Variants in TOP1 observed in about 807,000 individuals in gnomAD.
TOP1 encodes DNA topoisomerase 1.
Under a neutral mutation model 111.1 loss-of-function variants are expected in TOP1, and 10 were observed. The ratio of observed to expected loss-of-function variants is 0.09; its 90% CI spans 0.06 to 0.15. The LOEUF (loss-of-function observed/expected upper bound fraction) is 0.15. Ranked by LOEUF, TOP1 falls within the 10% of genes least tolerant of loss-of-function variation. The probability of loss-of-function intolerance (pLI) is 1.00; values close to 1 mark genes in which losing one functional copy is unlikely to be tolerated. For missense variants in TOP1, 474 were observed against 926.7 expected (o/e 0.51, Z 6.34); for synonymous variants, 271 against 302.9 (o/e 0.89, Z 1.10).
intron 3 of TOP1, among the ~76,000 whole-genome samples, chr20:41,063,487 G>GT (rs1290088067): frequency 6.6e-6 from 1 of 152,104 alleles, no homozygotes; most frequent in Non-Finnish European, 1.5e-5. Context: ...GAAGGTAGTT[G>GT]TTTTTTTAAG....
Position 41,029,079 on chromosome 20 carries a change from C to T in TOP1, c.12C>T (p.Asp4=). The T allele has an allele frequency of 1.3e-6, 2 of 1,541,926 alleles. No individual in the cohort carries two copies. The highest frequency in any genetic ancestry group is 1.7e-6 in the Non-Finnish European group (2 of 1,147,602). Residue 4 remains aspartate, a synonymous_variant, in exon 1 of 21, where the codon GAC becomes GAT. Coordinates refer to ENST00000361337, the MANE Select transcript of TOP1 (RefSeq NM_003286.4). The surrounding 1 kb of genome is among the most constrained non-coding windows in gnomAD (Gnocchi z 6.1). The part of the protein sequence containing the change: MSG[D]HLHNDSQIEA... ...CCCTCCGGGCCGACATGAGTGGGGA[C>T]CACCTCCACAACGATTCCCAGGTAC...
chr20:41,049,908 A>G (rs2033382531), intron 2 of TOP1, among the ~76,000 whole-genome samples: 1 of 152,224 alleles, frequency 6.6e-6, no homozygotes, highest in Non-Finnish European at 1.5e-5. Flanking sequence ...TCAATGATGA[A>G]CAGGTCCATG....
intron 8 of TOP1, among the ~76,000 whole-genome samples, chr20:41,090,849 A>G (rs2033912015): frequency 6.6e-6 from 1 of 152,204 alleles, no homozygotes; most frequent in Admixed American, 6.5e-5. Flanking sequence ...TACGTGTCAT[A>G]TCCAATAAAT....
intron 2 of TOP1, among the ~76,000 whole-genome samples, chr20:41,059,918 A>G (rs1289221878): frequency 6.6e-6 from 1 of 152,240 alleles, no homozygotes; most frequent in Non-Finnish European, 1.5e-5. Flanking sequence ...CAAGCACACC[A>G]AAAGATGCTT....
At chr20:41,090,890 C>CAA (rs1477018078) in intron 8 of TOP1, among the ~76,000 whole-genome samples, 1 of 152,128 alleles carries the variant, frequency 6.6e-6, no homozygotes, top group Non-Finnish European at 1.5e-5. Flanking sequence ...TGAAGCTTTT[C>CAA]CCCTATGTTG....
At chr20:41,081,358 A>G (rs1312987319) in intron 7 of TOP1, 118 bp downstream of exon 7, 1 of 1,238,606 alleles carries the variant, frequency 8.1e-7, no homozygotes, top group African/African-American at 1.5e-5. Context: ...AACATTAGGG[A>G]AAACAAATTT....
chr20:41,060,571 TTTA>T (rs1440734096), intron 2 of TOP1, among the ~76,000 whole-genome samples: 2 of 152,210 alleles, frequency 1.3e-5, no homozygotes, highest in African/African-American at 4.8e-5. Flanking sequence ...GTTCTAAATC[TTTA>T]TTGTAGTGGG....
rs150948603 is a variant in TOP1, at chr20:41,117,586, C to T, written c.1823-583C>T. Among the ~76,000 whole-genome samples the T allele has an allele frequency of 0.041, 6,204 of 151,618 alleles. 678 individuals carry two copies. In the East Asian group the frequency reaches 0.46, roughly 11 times the overall value. ...TATTTTTAGTAGAGACAGGGTTCAC[C>T]GTGTTAGCCAGGATGGTCTCGATCT... On this transcript the variant is annotated intron_variant, in intron 17 of 20. Transcript: ENST00000361337.
rs2033953113 is a variant in TOP1 at position 41,094,076 on chromosome 20, AAAT to A, written c.730+1492_730+1494del. Among the ~76,000 whole-genome samples the A allele has an allele frequency of 6.6e-6, 1 of 152,138 alleles. No individual in the cohort carries two copies. The highest frequency in any genetic ancestry group is 1.5e-5 in the Non-Finnish European group (1 of 68,022). On this transcript the variant is annotated intron_variant, in intron 9 of 20. Transcript: ENST00000361337. The surrounding 1 kb of genome is among the most constrained non-coding windows in gnomAD (Gnocchi z 4.4). ...TCAAAAAATAAAATAATAAATAAATAAATAAAACATATTTATTGAATGTATTTG... is the reference window on the plus strand; with the variant it reads ...TCAAAAAATAAAATAATAAATAAATAAAAACATATTTATTGAATGTATTTG...
At chr20:41,068,429 T>C (rs1415444070) in intron 3 of TOP1, among the ~76,000 whole-genome samples, 1 of 152,070 alleles carries the variant, frequency 6.6e-6, no homozygotes, top group Admixed American at 6.6e-5. Context: ...TTTTTTGGAG[T>C]CAGGGTCTCA....
chr20:41,038,000 GA>G lies in TOP1; in HGVS notation c.58+8552del, dbSNP rs529056430. Among the ~76,000 whole-genome samples the G allele has an allele frequency of 3.4e-4, 51 of 152,222 alleles. No individual in the cohort carries two copies. In the South Asian group the frequency reaches 9.4e-3, roughly 28 times the overall value. On this transcript the variant is annotated intron_variant, in intron 2 of 20. Transcript: ENST00000361337. ...AAAAATATAGCTCATAAAATATGGG[GA>G]AAAAAATCTGGGAAGATGAGTATTT...
chr20:41,072,160 A>G, intron 3 of TOP1: 7 of 837,278 alleles, frequency 8.4e-6, no homozygotes, highest in Non-Finnish European at 1.0e-5. Context: ...TCAGTAATTA[A>G]TCATCTGTTT....
intron 3 of TOP1, among the ~76,000 whole-genome samples, chr20:41,075,040 T>G (rs902639672): frequency 6.6e-6 from 1 of 152,254 alleles, no homozygotes; most frequent in Non-Finnish European, 1.5e-5. Context: ...AGCAGTTAAA[T>G]AATTTGATAT....
At chr20:41,052,628 TTCTA>T (rs1166773585) in intron 2 of TOP1, among the ~76,000 whole-genome samples, 5 of 152,160 alleles carry the variant, frequency 3.3e-5, no homozygotes, top group Non-Finnish European at 7.3e-5. Context: ...TTTGTTTCCT[TTCTA>T]TCTAAGCAGA....
chr20:41,108,449 G>C (rs893392705), intron 13 of TOP1, among the ~76,000 whole-genome samples: 6 of 152,098 alleles, frequency 3.9e-5, no homozygotes, highest in African/African-American at 1.2e-4. Context: ...CCCCTTTCTG[G>C]AAACTTGGAT....
Position 41,101,196 on chromosome 20 carries a change from C to A in TOP1, c.1164-13C>A. On this transcript the variant is annotated splice_polypyrimidine_tract_variant and intron_variant, in intron 12 of 20. Coordinates refer to ENST00000361337, the MANE Select transcript of TOP1 (RefSeq NM_003286.4). This position sits in a 1 kb window ranked among gnomAD's most constrained non-coding sequence, Gnocchi z 4.1. ...CATCTTATTTCACTATCCTCGTGCT[C>A]TGTTATTTCCAGAGATGCCAAGGTT... is the stretch of plus-strand genomic sequence containing the variant. The A allele has an allele frequency of 6.2e-7, 1 of 1,613,810 alleles. No individual in the cohort carries two copies. Among genetic ancestry groups the A allele is most frequent in the South Asian group, 1.1e-5 (1 of 91,074 alleles).
Position 41,094,638 on chromosome 20 carries a change from C to T in TOP1, c.730+2051C>T, listed in dbSNP as rs1201204696. Among the ~76,000 whole-genome samples the T allele has an allele frequency of 3.3e-5, 5 of 152,150 alleles. No homozygotes were observed. The highest frequency in any genetic ancestry group is 5.9e-5 in the Non-Finnish European group (4 of 68,032). ...CTGGTCCTCTGCTGGGATTTCTTCT[C>T]TTTGATTGTGTGAACTCTTACTCTG... On this transcript the variant is annotated intron_variant, in intron 9 of 20. Coordinates refer to ENST00000361337, the MANE Select transcript of TOP1 (RefSeq NM_003286.4). This position sits in a 1 kb window ranked among gnomAD's most constrained non-coding sequence, Gnocchi z 4.4.
rs960377026 is a variant in TOP1 at position 41,094,366 on chromosome 20, C to T, written c.730+1779C>T. Among the ~76,000 whole-genome samples, 3 of 152,170 alleles carry T rather than the reference C, an allele frequency of 2.0e-5. No homozygotes were observed. Among genetic ancestry groups the T allele is most frequent in the African/African-American group, 4.8e-5 (2 of 41,442 alleles). ...AACCTTGAAGAGCACCATCTCAAAGCGTAGGTATTCCGTAGGCCTGGTCTG... is the reference window on the plus strand; with the variant it reads ...AACCTTGAAGAGCACCATCTCAAAGTGTAGGTATTCCGTAGGCCTGGTCTG... On this transcript the variant is annotated intron_variant, in intron 9 of 20. Transcript: ENST00000361337. The surrounding 1 kb of genome is among the most constrained non-coding windows in gnomAD (Gnocchi z 4.4).
At chr20:41,060,542 T>A (rs2033531837) in intron 2 of TOP1, among the ~76,000 whole-genome samples, 1 of 152,190 alleles carries the variant, frequency 6.6e-6, no homozygotes, top group Non-Finnish European at 1.5e-5. Context: ...CGAGGGAAAC[T>A]TTCTGAGATG....
Sources: gnomAD v4.1 joint callset for allele counts (sites outside exome capture counted in the v4.1 genomes callset) on GRCh38, gnomAD v4.1.1 for gene constraint, Gnocchi (gnomAD v3.1) non-coding constraint, MANE v1.5 for transcripts, NCBI Gene and HGNC (gene_info 2026-07-23, HGNC 2026-07-21) for gene names.